Variants in METTL16 observed in about 807,000 individuals in gnomAD.
METTL16 encodes the protein methyltransferase 16, RNA N6-adenosine.
Under a neutral mutation model 57.9 loss-of-function variants are expected in METTL16, and 19 were observed. That is an observed-to-expected ratio of 0.33 (90% CI 0.23 to 0.48). The LOEUF (loss-of-function observed/expected upper bound fraction) is 0.48, where lower values mean the gene tolerates loss of function less well. METTL16 is among the 20% of genes least tolerant of loss of function. The pLI is 0.99. For synonymous variants in METTL16, 246 were observed against 255.6 expected (o/e 0.96, Z 0.36); for missense variants, 434 against 691.5 (o/e 0.63, Z 4.18).
In METTL16 at chr17:2,503,098, A is replaced by G. The variant is rs920896076; in HGVS notation, c.1-767T>C. ...TGATTCAGCAATTCCACTCCTAGGT[A>G]TATTCCCAAAAGAACTGAAAGGAGG... On this transcript the variant is annotated intron_variant, in intron 1 of 9. Coordinates refer to ENST00000263092, the MANE Select transcript of METTL16 (RefSeq NM_024086.4). 5.9e-5 allele frequency among the ~76,000 whole-genome samples: 9 copies of G among 152,306 alleles called. No homozygotes were observed. In the East Asian group the frequency reaches 1.7e-3, roughly 29 times the overall value.
intron 3 of METTL16, among the ~76,000 whole-genome samples, chr17:2,477,181 A>T (rs543700102): frequency 1.3e-5 from 2 of 152,216 alleles, no homozygotes; most frequent in East Asian, 3.9e-4. Flanking sequence ...CAAAATAAAA[A>T]AATTTTTAAA....
At chr17:2,511,683 G>A (rs1007172421) in intron 1 of METTL16, 76 bp downstream of exon 1, 2 of 395,216 alleles carry the variant, frequency 5.1e-6, no homozygotes, top group Admixed American at 4.4e-5. Context: ...CAAAACTCAA[G>A]AATGAGGAAC....
chr17:2,478,094 A>G (rs2067279857), intron 2 of METTL16, among the ~76,000 whole-genome samples: 1 of 152,060 alleles, frequency 6.6e-6, no homozygotes, highest in South Asian at 2.1e-4. Context: ...CACCAAAAAC[A>G]CTGCATATCC....
intron 4 of METTL16, among the ~76,000 whole-genome samples, chr17:2,470,546 T>G (rs1434375400): frequency 1.3e-5 from 2 of 152,304 alleles, no homozygotes; most frequent in Non-Finnish European, 2.9e-5. Flanking sequence ...CAGTGGCTCA[T>G]GCCTGTAACT....
At chr17:2,506,306 C>A (rs983817423) in intron 1 of METTL16, among the ~76,000 whole-genome samples, 5 of 148,246 alleles carry the variant, frequency 3.4e-5, no homozygotes, top group African/African-American at 1.0e-4. Context: ...TCCCTCTCCC[C>A]CTCTTGCCAC....
chr17:2,437,194 T>C (rs2066915153), intron 8 of METTL16, among the ~76,000 whole-genome samples: 1 of 152,206 alleles, frequency 6.6e-6, no homozygotes, highest in African/African-American at 2.4e-5. Flanking sequence ...AAATCATTTC[T>C]TTAAACTTTT....
At chr17:2,442,679 GA>G (rs1418551201) in intron 6 of METTL16, among the ~76,000 whole-genome samples, 1 of 152,158 alleles carries the variant, frequency 6.6e-6, no homozygotes, top group African/African-American at 2.4e-5. Flanking sequence ...TAGGTATTAA[GA>G]GGGGACGTCC....
chr17:2,432,472 CAG>C (rs778909853), intron 8 of METTL16, among the ~76,000 whole-genome samples: 47 of 151,978 alleles, frequency 3.1e-4, no homozygotes, highest in African/African-American at 1.0e-3. Context: ...GGGAGGCTGA[CAG>C]GGGAGGATCA....
intron 6 of METTL16, among the ~76,000 whole-genome samples, chr17:2,447,669 C>A (rs1316535149): frequency 4.5e-5 from 6 of 133,688 alleles, no homozygotes; most frequent in Non-Finnish European, 6.4e-5. Context: ...TGAGGAGCCC[C>A]TCTGCCCGGC....
At chr17:2,505,990 A>T (rs1597476132) in intron 1 of METTL16, among the ~76,000 whole-genome samples, 1 of 150,992 alleles carries the variant, frequency 6.6e-6, no homozygotes, top group African/African-American at 2.4e-5. Flanking sequence ...TTTTTTTGAG[A>T]CAGAGTCTCC....
intron 3 of METTL16, 28 bp from the exon 4 acceptor site, chr17:2,473,692 T>C (rs765581728): frequency 6.2e-7 from 1 of 1,601,806 alleles, no homozygotes; most frequent in South Asian, 1.1e-5. Flanking sequence ...CAAAACACAT[T>C]CTACACACCA....
chr17:2,507,588 G>A (rs1482199178), intron 1 of METTL16, among the ~76,000 whole-genome samples: 1 of 152,116 alleles, frequency 6.6e-6, no homozygotes, highest in Non-Finnish European at 1.5e-5. Flanking sequence ...GGGAAGTGAG[G>A]AGCCCCTCTG....
chr17:2,499,887 G>C (rs1567907161), intron 2 of METTL16, among the ~76,000 whole-genome samples: 1 of 152,070 alleles, frequency 6.6e-6, no homozygotes, highest in South Asian at 2.1e-4. Context: ...CTGAGTAGCT[G>C]TGACTATAGT....
chr17:2,474,692 G>A (rs1329930383), intron 3 of METTL16, among the ~76,000 whole-genome samples: 2 of 152,196 alleles, frequency 1.3e-5, no homozygotes, highest in South Asian at 2.1e-4. Flanking sequence ...TTGGGAGGCC[G>A]AGGCAGGCGG....
Position 2,477,902 on chromosome 17 carries a change from A to G in METTL16, c.129-17T>C, listed in dbSNP as rs749663145. ...AAATTAAGGCTGAGGAATAAAGAAA[A>G]GGAAGTAAAACTGATTAGTAAGATT... On this transcript the variant is annotated splice_polypyrimidine_tract_variant and intron_variant, in intron 2 of 9. Coordinates refer to ENST00000263092, the MANE Select transcript of METTL16 (RefSeq NM_024086.4). 68 of 1,606,000 alleles carry G rather than the reference A, an allele frequency of 4.2e-5. No individual in the cohort carries two copies. The South Asian group carries it at 7.2e-4, about 17-fold the overall frequency.
intron 6 of METTL16, among the ~76,000 whole-genome samples, chr17:2,449,924 T>A (rs2067055781): frequency 6.6e-6 from 1 of 152,100 alleles, no homozygotes; most frequent in Non-Finnish European, 1.5e-5. Context: ...AAATGCAAAT[T>A]CCAATCATAA....
intron 6 of METTL16, chr17:2,460,128 A>G (rs561208562): frequency 4.1e-4 from 63 of 152,332 alleles, no homozygotes; most frequent in African/African-American, 1.4e-3. Flanking sequence ...ACCCTTTCAC[A>G]AAACACTGTT....
chr17:2,511,155 C>G (rs761866065), intron 1 of METTL16, among the ~76,000 whole-genome samples: 2 of 151,836 alleles, frequency 1.3e-5, no homozygotes, highest in Non-Finnish European at 2.9e-5. Context: ...CTTTTCTTCC[C>G]GGTTACTTGA....
At chr17:2,474,120 G>A (rs916227754) in intron 3 of METTL16, among the ~76,000 whole-genome samples, 1 of 151,998 alleles carries the variant, frequency 6.6e-6, no homozygotes, top group Non-Finnish European at 1.5e-5. Flanking sequence ...AGAGGTCGAG[G>A]AATACATGAC....
Sources: allele counts gnomAD v4.1 joint callset (sites outside exome capture counted in the v4.1 genomes callset), GRCh38; gene constraint gnomAD v4.1.1; transcripts MANE v1.5; gene names NCBI Gene and HGNC (gene_info 2026-07-23, HGNC 2026-07-21).